Variants in CAD observed in about 807,000 individuals in gnomAD.
The protein encoded by CAD is carbamoyl-phosphate synthetase 2, aspartate transcarbamylase, and dihydroorotase.
Under a neutral mutation model 237.2 loss-of-function variants are expected in CAD, and 81 were observed. The ratio of observed to expected loss-of-function variants is 0.34; its 90% CI spans 0.29 to 0.41. The LOEUF (loss-of-function observed/expected upper bound fraction) is 0.41, where lower values mean the gene tolerates loss of function less well. Ranked by LOEUF, CAD falls within the 10% of genes least tolerant of loss-of-function variation. The pLI is 1.00. For missense variants in CAD, 2,181 were observed against 2,951.7 expected, an observed-to-expected ratio of 0.74 and a Z score of 6.05; for synonymous variants, 1,196 against 1,162.8, an observed-to-expected ratio of 1.03 and a Z score of -0.58.
chr2:27,224,695 G>T (rs776136132), intron 9 of CAD, 50 bp from the exon 10 acceptor site: 1 of 1,612,702 alleles, frequency 6.2e-7, no homozygotes, highest in Non-Finnish European at 8.5e-7. Flanking sequence ...AAGGCTGTTT[G>T]CAATTTTGCT....
chr2:27,218,008 C>A lies in CAD; in HGVS notation c.214C>A (p.Leu72Ile). The A allele has an allele frequency of 6.2e-7, 1 of 1,607,022 alleles. No homozygotes were observed. The highest frequency in any genetic ancestry group is 8.5e-7 in the Non-Finnish European group (1 of 1,176,662). Reference protein sequence around the residue: ...IPPDEMDEFGLCKWFESSGIH... With the variant: ...IPPDEMDEFGICKWFESSGIH... ...CCCAGATGAAATGGATGAGTTCGGT[C>A]TCTGCAAGGTAGCCACACCCAGTGC... Residue 72 changes from leucine (L) to isoleucine (I), a missense_variant, in exon 2 of 44, where the codon CTC becomes ATC. Physicochemically the swap from Leu to Ile is conservative, Grantham distance 5. Transcript: ENST00000264705.
chr2:27,237,999 C>T lies in CAD; in HGVS notation c.4729-57C>T, dbSNP rs949999423. 5.0e-6 allele frequency: 8 copies of T among 1,600,260 alleles called. 1 individual carries two copies. The highest frequency in any genetic ancestry group is 1.7e-4 in the Middle Eastern group (1 of 6,002). On this transcript the variant is annotated intron_variant, in intron 29 of 43. Transcript: ENST00000264705. The surrounding 1 kb of genome is among the most constrained non-coding windows in gnomAD (Gnocchi z 4.0). ...GGGGAGCTCCTGGGGACTCTGGGCTCTGATGAGCACAGTCAGAGATTCTGC... is the reference window on the plus strand; with the variant it reads ...GGGGAGCTCCTGGGGACTCTGGGCTTTGATGAGCACAGTCAGAGATTCTGC...
chr2:27,234,695 A>G lies in CAD; in HGVS notation c.3786+10A>G. The G allele has an allele frequency of 1.2e-6, 2 of 1,612,824 alleles. No homozygotes were observed. Among genetic ancestry groups the G allele is most frequent in the Admixed American group, 1.7e-5 (1 of 59,948 alleles). On this transcript the variant is annotated intron_variant, in intron 23 of 43. Coordinates refer to ENST00000264705, the MANE Select transcript of CAD (RefSeq NM_004341.5). ...AGTCGTGGGAGTAAAGGTAAGGAAT[A>G]TCGAAACCCTTGGGGTTAGCAGAAA...
intron 15 of CAD, 45 bp from the exon 16 acceptor site, chr2:27,231,423 C>T (rs776468119): frequency 8.9e-7 from 1 of 1,125,994 alleles, no homozygotes; most frequent in Admixed American, 1.7e-5. Context: ...TTCTTCCCAC[C>T]CCTTCCACCT....
Position 27,236,616 on chromosome 2 carries a change from T to C in CAD, c.4314+93T>C. 6.3e-7 allele frequency: 1 copy of C among 1,575,284 alleles called. No individual in the cohort carries two copies. The highest frequency in any genetic ancestry group is 8.7e-7 in the Non-Finnish European group (1 of 1,150,712). On this transcript the variant is annotated intron_variant, in intron 26 of 43. Transcript: ENST00000264705. This position sits in a 1 kb window ranked among gnomAD's most constrained non-coding sequence, Gnocchi z 4.1. ...GAGTATGGAACAGCCATGCTAGTAA[T>C]AAAGCTTTGTGGCTACAGAGGGAGA...
rs1253160203 is a variant in CAD, at chr2:27,232,713, T to G, written c.2892+19T>G. ...CCGAAAGGTCAGAGAGTTCATTTTC[T>G]TTCCACTTTCCTTGCTATTCTGTTC... On this transcript the variant is annotated intron_variant, in intron 18 of 43. Coordinates refer to ENST00000264705, the MANE Select transcript of CAD (RefSeq NM_004341.5). The surrounding 1 kb of genome is among the most constrained non-coding windows in gnomAD (Gnocchi z 4.1). 1 of 1,613,888 alleles carries G rather than the reference T, an allele frequency of 6.2e-7. No individual in the cohort carries two copies. Among genetic ancestry groups the G allele is most frequent in the African/African-American group, 1.3e-5 (1 of 74,930 alleles).
rs1674926071 is a variant in CAD, at chr2:27,217,577, G to A, written c.26G>A (p.Gly9Glu). Residue 9 changes from glycine to glutamate, a missense_variant, in exon 1 of 44, where the codon GGG becomes GAG. Coordinates refer to ENST00000264705, the MANE Select transcript of CAD (RefSeq NM_004341.5). ...ATGGCGGCCCTAGTGTTGGAGGACG[G>A]GTCGGTCCTGCGGGGCCAGCCCTTT... Reference protein sequence around the residue: MAALVLEDGSVLRGQPFGA... With the variant: MAALVLEDESVLRGQPFGA... The A allele has an allele frequency of 1.2e-6, 2 of 1,608,158 alleles. No individual in the cohort carries two copies. The highest frequency in any genetic ancestry group is 1.3e-5 in the African/African-American group (1 of 74,704).
intron 5 of CAD, 78 bp from the exon 6 acceptor site, chr2:27,222,788 C>A: frequency 6.3e-7 from 1 of 1,578,854 alleles, no homozygotes; most frequent in South Asian, 1.1e-5. Context: ...TTAACACTCT[C>A]ATGGGCTGGG....
At position 27,224,737 on chromosome 2, in the gene CAD, C is replaced by T; in HGVS notation, c.1255-8C>T. 3 of 1,614,180 alleles carry T rather than the reference C, an allele frequency of 1.9e-6. No individual in the cohort carries two copies. The highest frequency in any genetic ancestry group is 2.5e-6 in the Non-Finnish European group (3 of 1,180,020). On this transcript the variant is annotated splice_region_variant and splice_polypyrimidine_tract_variant and intron_variant, in intron 9 of 43. Coordinates refer to ENST00000264705, the MANE Select transcript of CAD (RefSeq NM_004341.5). ...GCAGAGGCTGAGATGCCATTCTTGTCCTTTTAGGCAATTAAGGCCCTGAAG... is the reference window on the plus strand; with the variant it reads ...GCAGAGGCTGAGATGCCATTCTTGTTCTTTTAGGCAATTAAGGCCCTGAAG...
intron 15 of CAD, among the ~76,000 whole-genome samples, 176 bp downstream of exon 15, chr2:27,227,138 A>C (rs529313787): frequency 2.6e-5 from 4 of 152,326 alleles, no homozygotes; most frequent in Admixed American, 1.3e-4. Context: ...TCTGTGTTGG[A>C]ATACAGAATC....
Position 27,242,972 on chromosome 2 carries a change from C to T in CAD, c.6479C>T (p.Ala2160Val). The change falls in exon 42 of 44, where the codon GCT (alanine) becomes GTT (valine). Residue 2160 changes from alanine (A) to valine (V), a missense_variant and splice_region_variant. Around this residue, in one of 12 missense-constraint regions of CAD, gnomAD observed 170 missense variants for 212.1 expected, o/e 0.80. Coordinates refer to ENST00000264705, the MANE Select transcript of CAD (RefSeq NM_004341.5). This position sits in a 1 kb window ranked among gnomAD's most constrained non-coding sequence, Gnocchi z 6.4. ...ERFGSTQEYEACFGQFILTPH... is the reference protein window; with the variant it reads ...ERFGSTQEYEVCFGQFILTPH... Reference sequence around the variant, plus strand: ...TTTGGCTCTACCCAGGAGTACGAAGCTGTGAGTGCTGGGCTTGAGGAAGAA... The same window carrying T: ...TTTGGCTCTACCCAGGAGTACGAAGTTGTGAGTGCTGGGCTTGAGGAAGAA... 1.9e-6 allele frequency: 3 copies of T among 1,592,978 alleles called. No homozygotes were observed. The highest frequency in any genetic ancestry group is 1.7e-6 in the Non-Finnish European group (2 of 1,165,422).
In CAD at chr2:27,217,492, G is replaced by T; in HGVS notation, c.-60G>T. The T allele has an allele frequency of 7.1e-7, 1 of 1,401,070 alleles. No homozygotes were observed. Among genetic ancestry groups the T allele is most frequent in the African/African-American group, 1.4e-5 (1 of 70,170 alleles). The allele number at this position is 1,401,070 out of a possible 1,614,324, so 86.8% of individuals were successfully genotyped here. ...GGCGCGCCGTCCTCACGTGGTTCCAGTGGAGTTTGCAGTCCTTCCCGCTTC... is the reference window on the plus strand; with the variant it reads ...GGCGCGCCGTCCTCACGTGGTTCCATTGGAGTTTGCAGTCCTTCCCGCTTC... On this transcript the variant is annotated 5_prime_UTR_variant, in exon 1 of 44. Coordinates refer to ENST00000264705, the MANE Select transcript of CAD (RefSeq NM_004341.5).
At position 27,235,172 on chromosome 2, in the gene CAD, G is replaced by A. The variant is rs537377050; in HGVS notation, c.3787-73G>A. ...CAGATGGGATCAAGCACAGGGTACTGTGTCCGTCTCTGCTGGTGAGGGAGG... is the reference window on the plus strand; with the variant it reads ...CAGATGGGATCAAGCACAGGGTACTATGTCCGTCTCTGCTGGTGAGGGAGG... On this transcript the variant is annotated intron_variant, in intron 23 of 43. Transcript: ENST00000264705. This position sits in a 1 kb window ranked among gnomAD's most constrained non-coding sequence, Gnocchi z 5.2. 7.3e-7 allele frequency: 1 copy of A among 1,367,126 alleles called. No individual in the cohort carries two copies. The highest frequency in any genetic ancestry group is 1.4e-5 in the South Asian group (1 of 73,154). 84.7% of individuals were successfully genotyped at this position (1,367,126 alleles called of 1,614,324 possible). A position where few individuals can be genotyped will look rare whatever the true frequency, so the allele number is the denominator to read the frequency against.
At chr2:27,229,866 C>G (rs1411127233) in intron 15 of CAD, among the ~76,000 whole-genome samples, 1 of 130,776 alleles carries the variant, frequency 7.6e-6, no homozygotes, top group Non-Finnish European at 1.6e-5. Flanking sequence ...CACAGTGAGA[C>G]TACGTCTCAG....
rs1675440102 is a variant in CAD, at chr2:27,226,245, A to G, written c.1957A>G (p.Ile653Val). 1.2e-5 allele frequency: 19 copies of G among 1,614,220 alleles called. No homozygotes were observed. Among genetic ancestry groups the G allele is most frequent in the Non-Finnish European group, 1.5e-5 (18 of 1,180,028 alleles). Residue 653 changes from isoleucine (I) to valine (V), a missense_variant, in exon 13 of 44, where the codon ATC becomes GTC. Transcript: ENST00000264705. ...GTATCAGCTCCTGAGGCAGACAGCT[A>G]TCAAGGTGACCCAGCACCTGGGAAT... Reference protein sequence around the residue: ...REYQLLRQTAIKVTQHLGIVG... With the variant: ...REYQLLRQTAVKVTQHLGIVG...
intron 43 of CAD, 54 bp from the exon 44 acceptor site, chr2:27,243,362 C>T (rs2148101935): frequency 1.2e-6 from 2 of 1,603,148 alleles, no homozygotes; most frequent in Non-Finnish European, 1.7e-6. Context: ...CCTGGACAAG[C>T]CATCCATGGG....
intron 3 of CAD, 81 bp downstream of exon 3, chr2:27,221,428 G>A (rs1675158787): frequency 1.6e-6 from 2 of 1,242,370 alleles, no homozygotes; most frequent in Non-Finnish European, 2.1e-6. Context: ...TAATCTGCTG[G>A]GACCTGACTC....
Position 27,232,097 on chromosome 2 carries a change from A to G in CAD, c.2518A>G (p.Met840Val). ...CATCGACCGCTGGTTCCTGCACCGAATGAAGCGTATCATCGCACATGCCCA... is the reference window on the plus strand; with the variant it reads ...CATCGACCGCTGGTTCCTGCACCGAGTGAAGCGTATCATCGCACATGCCCA... ...TRIDRWFLHR[M>V]KRIIAHAQLL... Residue 840 changes from methionine (M) to valine (V), a missense_variant, in exon 17 of 44, where the codon ATG becomes GTG. Around this residue, in one of 12 missense-constraint regions of CAD, gnomAD observed 385 missense variants for 535.1 expected, o/e 0.72. Transcript: ENST00000264705. This position sits in a 1 kb window ranked among gnomAD's most constrained non-coding sequence, Gnocchi z 4.1. 6.2e-7 allele frequency: 1 copy of G among 1,614,244 alleles called. No individual in the cohort carries two copies. The highest frequency in any genetic ancestry group is 8.5e-7 in the Non-Finnish European group (1 of 1,180,048).
intron 7 of CAD, 43 bp from the exon 8 acceptor site, chr2:27,223,874 G>A: frequency 6.4e-7 from 1 of 1,566,804 alleles, no homozygotes; most frequent in Non-Finnish European, 8.8e-7. Context: ...CCAGTGTCAT[G>A]CCAGGGACCA....
Sources: allele counts gnomAD v4.1 joint callset (sites outside exome capture counted in the v4.1 genomes callset), GRCh38; gene constraint gnomAD v4.1.1; regional missense constraint gnomAD v4.1.1; non-coding constraint Gnocchi (gnomAD v3.1); transcripts MANE v1.5; gene names NCBI Gene and HGNC (gene_info 2026-07-23, HGNC 2026-07-21).